SH3BGRL2: variants seen among roughly 807,000 people sequenced by gnomAD.
The protein encoded by SH3BGRL2 is SH3 domain binding glutamate rich protein like 2.
In SH3BGRL2, 21 loss-of-function variants were observed where a neutral mutation model predicts 14.8. The ratio of observed to expected loss-of-function variants is 1.42; its 90% CI spans 1.01 to 2.05. SH3BGRL2 has a LOEUF of 2.05. Among genes scored for constraint, SH3BGRL2 ranks in the 30% most tolerant of loss-of-function variants. SH3BGRL2 has a pLI of 0.00. For missense variants in SH3BGRL2, 147 were observed against 130.8 expected (o/e 1.12, Z -0.61); for synonymous variants, 50 against 47.8 (o/e 1.05, Z -0.19).
At chr6:79,563,852 T>G in the SH3BGRL2 span, among the ~76,000 whole-genome samples, 1 of 152,072 alleles carries the variant, frequency 6.6e-6, no homozygotes, top group Non-Finnish European at 1.5e-5. Flanking sequence ...CAAGCAAAAA[T>G]TAACTAATAA....
the SH3BGRL2 span, among the ~76,000 whole-genome samples, chr6:79,546,784 G>A: frequency 6.6e-6 from 1 of 151,720 alleles, no homozygotes; most frequent in South Asian, 2.1e-4. Flanking sequence ...CCTCCGCCTG[G>A]GTTCACTGCC....
In SH3BGRL2 at chr6:79,699,481, T is replaced by C; in HGVS notation, c.313-17T>C. ...TAACTGACTTTTTTTTTTTTTTTTT[T>C]TTTTTTTTTTTTATAGGCAGAACCT... On this transcript the variant is annotated splice_polypyrimidine_tract_variant and intron_variant, in intron 3 of 3. Coordinates refer to ENST00000369838, the MANE Select transcript of SH3BGRL2 (RefSeq NM_031469.4). 6.7e-7 allele frequency: 1 copy of C among 1,503,184 alleles called. No homozygotes were observed. Among genetic ancestry groups the C allele is most frequent in the South Asian group, 1.3e-5 (1 of 75,950 alleles). The allele number at this position is 1,503,184 out of a possible 1,614,324, so 93.1% of individuals were successfully genotyped here. A position where few individuals can be genotyped will look rare whatever the true frequency, so the allele number is the denominator to read the frequency against.
At chr6:79,668,570 A>C (rs1427401011) in intron 1 of SH3BGRL2, among the ~76,000 whole-genome samples, 1 of 152,006 alleles carries the variant, frequency 6.6e-6, no homozygotes. Flanking sequence ...CATCTGAGGG[A>C]GGAGTTTGCT....
intron 2 of SH3BGRL2, among the ~76,000 whole-genome samples, chr6:79,694,273 A>G (rs1319197059): frequency 1.3e-5 from 2 of 152,246 alleles, no homozygotes; most frequent in East Asian, 3.8e-4. Flanking sequence ...GGATGGAACA[A>G]ATCTAGCTGT....
the SH3BGRL2 span, among the ~76,000 whole-genome samples, chr6:79,622,734 T>C: frequency 6.6e-6 from 1 of 152,216 alleles, no homozygotes; most frequent in East Asian, 1.9e-4. Flanking sequence ...ACTTAAGTCA[T>C]TGGGTTTTTA....
the SH3BGRL2 span, among the ~76,000 whole-genome samples, chr6:79,549,748 G>A: frequency 6.6e-6 from 1 of 152,108 alleles, no homozygotes; most frequent in Non-Finnish European, 1.5e-5. Context: ...TTTTATAACA[G>A]TGAGTTAATA....
At chr6:79,578,339 A>G in the SH3BGRL2 span, among the ~76,000 whole-genome samples, 17 of 152,318 alleles carry the variant, frequency 1.1e-4, no homozygotes, top group African/African-American at 3.6e-4. Flanking sequence ...GTCCCTGACC[A>G]CCGTGTAGTC....
At chr6:79,617,185 CAAAACAAAA>C in the SH3BGRL2 span, among the ~76,000 whole-genome samples, 2 of 94,350 alleles carry the variant, frequency 2.1e-5, no homozygotes, top group African/African-American at 7.4e-5. Flanking sequence ...AACTCCGTCT[CAAAACAAAA>C]AAAAGAAAAA....
rs546256608 is a variant in SH3BGRL2, at chr6:79,646,693, C to T, written c.45+15187C>T. 3.3e-5 allele frequency among the ~76,000 whole-genome samples: 5 copies of T among 152,302 alleles called. No individual in the cohort carries two copies. In the South Asian group the frequency reaches 8.3e-4, roughly 25 times the overall value. On this transcript the variant is annotated intron_variant, in intron 1 of 3. Transcript: ENST00000369838. ...ATTCATGCCTATTAGTAGTCACTCC[C>T]CATTCTCACCTCCCTCTAGCTCCTG...
At chr6:79,592,211 C>G in the SH3BGRL2 span, among the ~76,000 whole-genome samples, 1 of 152,158 alleles carries the variant, frequency 6.6e-6, no homozygotes, top group East Asian at 1.9e-4. Context: ...TGATGTTGCA[C>G]TTGAAGAGGA....
At chr6:79,695,758 T>G (rs546300820) in intron 2 of SH3BGRL2, among the ~76,000 whole-genome samples, 1 of 152,348 alleles carries the variant, frequency 6.6e-6, no homozygotes, top group East Asian at 1.9e-4. Flanking sequence ...TTGCTTACAT[T>G]ATTTATCCTT....
upstream of SH3BGRL2, among the ~76,000 whole-genome samples, chr6:79,628,904 C>CT (rs1414937366): frequency 6.6e-6 from 1 of 152,100 alleles, no homozygotes; most frequent in African/African-American, 2.4e-5. Flanking sequence ...AGATGAGGAA[C>CT]TTACAGATAT....
intron 2 of SH3BGRL2, among the ~76,000 whole-genome samples, chr6:79,680,809 A>G (rs187817017): frequency 2.6e-5 from 4 of 151,786 alleles, no homozygotes; most frequent in Admixed American, 2.6e-4. Flanking sequence ...TTCCTACTTT[A>G]TTATTTTTGA....
the SH3BGRL2 span, among the ~76,000 whole-genome samples, chr6:79,625,603 A>T: frequency 6.6e-6 from 1 of 152,192 alleles, no homozygotes; most frequent in Non-Finnish European, 1.5e-5. Context: ...AGAAAGTTAA[A>T]ATCACACACA....
chr6:79,573,409 G>A, the SH3BGRL2 span, among the ~76,000 whole-genome samples: 1 of 152,120 alleles, frequency 6.6e-6, no homozygotes, highest in East Asian at 1.9e-4. Context: ...TTATTATTAA[G>A]TCTTAATATC....
the SH3BGRL2 span, among the ~76,000 whole-genome samples, chr6:79,598,110 T>G: frequency 1.3e-5 from 2 of 152,188 alleles, no homozygotes; most frequent in South Asian, 4.1e-4. Context: ...GGTGAAGATA[T>G]GGAGAAAGTG....
At chr6:79,671,803 G>A (rs1164181820) in intron 1 of SH3BGRL2, among the ~76,000 whole-genome samples, 1 of 152,148 alleles carries the variant, frequency 6.6e-6, no homozygotes, top group Non-Finnish European at 1.5e-5. Flanking sequence ...TAGGGTGGGT[G>A]CTGTTAGTTC....
chr6:79,582,381 A>G, the SH3BGRL2 span, among the ~76,000 whole-genome samples: 1 of 152,204 alleles, frequency 6.6e-6, no homozygotes, highest in South Asian at 2.1e-4. Context: ...CCTGACTTCA[A>G]ACTATACTAC....
At chr6:79,542,864 C>G in the SH3BGRL2 span, among the ~76,000 whole-genome samples, 1 of 152,274 alleles carries the variant, frequency 6.6e-6, no homozygotes, top group South Asian at 2.1e-4. Flanking sequence ...CCTCCCACCC[C>G]GCAAAACCAT....
Sources: gnomAD v4.1 joint callset for allele counts (sites outside exome capture counted in the v4.1 genomes callset) on GRCh38, gnomAD v4.1.1 for gene constraint, MANE v1.5 for transcripts, NCBI Gene and HGNC (gene_info 2026-07-23, HGNC 2026-07-21) for gene names.